The following CCDC171 variants were observed in gnomAD, a reference collection of about 807,000 sequenced individuals.
CCDC171 encodes the protein coiled-coil domain-containing protein 171.
In CCDC171, 177 loss-of-function variants were observed where a neutral mutation model predicts 168.2. The ratio of observed to expected loss-of-function variants is 1.05; its 90% confidence interval spans 0.93 to 1.19. The LOEUF (loss-of-function observed/expected upper bound fraction) is 1.19. Ranked by LOEUF, CCDC171 falls within the 50% of genes most tolerant of loss-of-function variation. The pLI, the probability that CCDC171 is intolerant of heterozygous loss-of-function variation, is 0.00. For synonymous variants in CCDC171, 687 were observed against 540.8 expected (o/e 1.27, Z -3.75); for missense variants, 1,991 against 1,539.0 (o/e 1.29, Z -4.91).
chr9:16,053,487 G>C (rs2149233), intron 1 of CCDC171, among the ~76,000 whole-genome samples: 22 of 152,102 alleles, frequency 1.4e-4, no homozygotes, highest in Non-Finnish European at 2.6e-4. Flanking sequence ...ACCCATCCGC[G>C]CCTCAGTTTC....
chr9:15,715,135 A>G (rs550343388), intron 11 of CCDC171, among the ~76,000 whole-genome samples: 3 of 152,324 alleles, frequency 2.0e-5, no homozygotes, highest in South Asian at 4.1e-4. Flanking sequence ...CACAGAACTC[A>G]TCAACGAAGC....
chr9:15,599,614 A>G (rs1279053102), intron 6 of CCDC171, among the ~76,000 whole-genome samples: 3 of 152,032 alleles, frequency 2.0e-5, no homozygotes, highest in Non-Finnish European at 4.4e-5. Context: ...GGTGAATCTG[A>G]CAATTATGTG....
At chr9:15,579,162 C>G in intron 4 of CCDC171, 139 bp downstream of exon 4, 1 of 602,162 alleles carries the variant, frequency 1.7e-6, no homozygotes. Context: ...ACAGACTTAG[C>G]TGGGTATGTA....
chr9:15,603,589 C>A (rs910174976), intron 6 of CCDC171, among the ~76,000 whole-genome samples: 1 of 152,234 alleles, frequency 6.6e-6, no homozygotes, highest in East Asian at 1.9e-4. Context: ...TGATTTCATT[C>A]ATTTATGGCT....
intron 3 of CCDC171, among the ~76,000 whole-genome samples, chr9:15,981,730 T>C (rs1217745355): frequency 6.6e-6 from 1 of 152,164 alleles, no homozygotes; most frequent in Admixed American, 6.6e-5. Flanking sequence ...CCTTTTCTTT[T>C]CCATAACCCT....
intron 4 of CCDC171, among the ~76,000 whole-genome samples, chr9:15,589,103 T>TG (rs2041805075): frequency 1.3e-5 from 2 of 152,034 alleles, no homozygotes; most frequent in South Asian, 4.1e-4. Context: ...GTCTCTGAAG[T>TG]GGATTGATGG....
chr9:15,691,361 A>C (rs1435955223), intron 10 of CCDC171, among the ~76,000 whole-genome samples: 1 of 151,472 alleles, frequency 6.6e-6, no homozygotes, highest in Non-Finnish European at 1.5e-5. Flanking sequence ...ATTTGAATTA[A>C]AAAATTATAG....
At chr9:16,054,325 C>T (rs1833798821) in intron 1 of CCDC171, among the ~76,000 whole-genome samples, 2 of 152,168 alleles carry the variant, frequency 1.3e-5, no homozygotes, top group Admixed American at 6.5e-5. Flanking sequence ...GGCTGTCATT[C>T]GGGTGTGCAC....
intron 25 of CCDC171, among the ~76,000 whole-genome samples, chr9:15,951,303 G>A (rs201563858): frequency 9.9e-5 from 15 of 151,190 alleles, no homozygotes; most frequent in Non-Finnish European, 1.8e-4. Context: ...CTCTCCACCC[G>A]AAATCAACAG....
intron 2 of CCDC171, among the ~76,000 whole-genome samples, chr9:15,570,784 T>G (rs566674615): frequency 1.3e-5 from 2 of 152,342 alleles, no homozygotes; most frequent in African/African-American, 4.8e-5. Flanking sequence ...GAGCGCTCTT[T>G]CCTTATATAA....
chr9:15,810,722 C>G (rs1336782507), intron 21 of CCDC171, among the ~76,000 whole-genome samples: 1 of 152,204 alleles, frequency 6.6e-6, no homozygotes, highest in African/African-American at 2.4e-5. Flanking sequence ...AGCCCACGCC[C>G]ACCCGGAACT....
At chr9:15,867,107 A>T (rs115495006) in intron 23 of CCDC171, among the ~76,000 whole-genome samples, 1 of 152,048 alleles carries the variant, frequency 6.6e-6, no homozygotes, top group Non-Finnish European at 1.5e-5. Context: ...TGTGCTAACA[A>T]TGAATTTGCA....
intron 21 of CCDC171, among the ~76,000 whole-genome samples, chr9:15,795,156 C>T (rs1269049203): frequency 6.6e-6 from 1 of 152,084 alleles, no homozygotes. Context: ...ATGTGTCATC[C>T]CATGGCAGAA....
intron 18 of CCDC171, among the ~76,000 whole-genome samples, chr9:15,757,162 T>C (rs1382773798): frequency 2.0e-5 from 3 of 152,124 alleles, no homozygotes; most frequent in African/African-American, 7.2e-5. Context: ...TTGAAACAGT[T>C]TGGAGGGCTC....
the CCDC171 span, among the ~76,000 whole-genome samples, chr9:16,067,488 T>C: frequency 2.6e-5 from 4 of 152,216 alleles, no homozygotes; most frequent in Non-Finnish European, 2.9e-5. Flanking sequence ...TTGTCAATTT[T>C]GGCTTTTGTT....
intron 6 of CCDC171, among the ~76,000 whole-genome samples, chr9:15,599,219 A>G (rs139104587): frequency 0.021 from 3,188 of 152,182 alleles, 109 homozygotes; most frequent in African/African-American, 0.073. Flanking sequence ...TTTGCTCATT[A>G]GTTGATGCAG....
rs1186624189 is a variant in CCDC171, at chr9:15,784,507, A to G, written c.3082-2A>G. 1.2e-6 allele frequency: 2 copies of G among 1,605,044 alleles called. No individual in the cohort carries two copies. Among genetic ancestry groups the G allele is most frequent in the Non-Finnish European group, 1.7e-6 (2 of 1,173,884 alleles). On this transcript the variant is annotated splice_acceptor_variant, in intron 20 of 25. Coordinates refer to ENST00000380701, the MANE Select transcript of CCDC171 (RefSeq NM_173550.4). LOFTEE classifies it high-confidence loss of function. The stretch of plus-strand genomic sequence containing the variant: ...GATTCTCCCCTCTCCTCCTTTTTAC[A>G]GAAATTGATCACCCATGAGAAGTTT...
At chr9:16,064,732 T>G (rs1833973564), downstream of CCDC171, among the ~76,000 whole-genome samples, 1 of 152,218 alleles carries the variant, frequency 6.6e-6, no homozygotes, top group African/African-American at 2.4e-5. Context: ...TACGCCACTG[T>G]CAGAGGTAAT....
At chr9:15,637,599 C>T (rs1465182204) in intron 7 of CCDC171, among the ~76,000 whole-genome samples, 3 of 147,796 alleles carry the variant, frequency 2.0e-5, no homozygotes, top group Admixed American at 6.8e-5. Context: ...AGGTGTATCT[C>T]CTCATGCTAT....
Sources: allele counts gnomAD v4.1 joint callset (sites outside exome capture counted in the v4.1 genomes callset), GRCh38; gene constraint gnomAD v4.1.1; transcripts MANE v1.5; gene names NCBI Gene and HGNC (gene_info 2026-07-23, HGNC 2026-07-21).